MBOAT1: variants seen among roughly 807,000 people sequenced by gnomAD.
MBOAT1 encodes membrane-bound glycerophospholipid O-acyltransferase 1.
A neutral mutation model predicts 64.4 loss-of-function variants in MBOAT1; 67 were observed. The ratio of observed to expected loss-of-function variants is 1.04; its 90% confidence interval spans 0.85 to 1.27. The LOEUF is 1.27. Ranked by LOEUF, MBOAT1 falls within the 50% of genes most tolerant of loss-of-function variation. The probability of loss-of-function intolerance (pLI) is 0.00; values close to 1 mark genes in which losing one functional copy is unlikely to be tolerated. For missense variants in MBOAT1, 563 were observed against 604.6 expected (o/e 0.93, Z 0.72); for synonymous variants, 229 against 218.9 (o/e 1.05, Z -0.41).
At chr6:20,125,251 C>T (rs568563542) in intron 7 of MBOAT1, among the ~76,000 whole-genome samples, 10 of 152,272 alleles carry the variant, frequency 6.6e-5, no homozygotes, top group Admixed American at 2.6e-4. Context: ...CTCTAGTCTC[C>T]GACTTCATAA....
intron 1 of MBOAT1, among the ~76,000 whole-genome samples, chr6:20,183,887 C>A (rs920051338): frequency 2.0e-5 from 3 of 152,192 alleles, no homozygotes; most frequent in Non-Finnish European, 4.4e-5. Context: ...GCGAAAGGCA[C>A]TTCTTACATG....
At chr6:20,181,053 G>C (rs950379882) in intron 1 of MBOAT1, among the ~76,000 whole-genome samples, 2 of 152,220 alleles carry the variant, frequency 1.3e-5, no homozygotes, top group Non-Finnish European at 2.9e-5. Context: ...GCTAATAGCA[G>C]GTTAAAAATA....
chr6:20,125,793 T>G (rs2113650775), intron 7 of MBOAT1: 1 of 367,464 alleles, frequency 2.7e-6, no homozygotes, highest in South Asian at 2.1e-5. Context: ...TTTCAAATAC[T>G]TAACTCATAG....
At chr6:20,116,336 A>AAAAAAT (rs938740002) in intron 9 of MBOAT1, among the ~76,000 whole-genome samples, 15 of 152,228 alleles carry the variant, frequency 9.9e-5, no homozygotes, top group Non-Finnish European at 1.8e-4. Flanking sequence ...CATCTCAAAA[A>AAAAAAT]AAAAATAAAA....
At chr6:20,121,274 T>C (rs1202420589) in intron 8 of MBOAT1, among the ~76,000 whole-genome samples, 1 of 152,248 alleles carries the variant, frequency 6.6e-6, no homozygotes, top group African/African-American at 2.4e-5. Context: ...AAAACAATTA[T>C]TCAGTTAAGC....
intron 4 of MBOAT1, among the ~76,000 whole-genome samples, chr6:20,139,416 A>G (rs1761100786): frequency 6.6e-6 from 1 of 151,970 alleles, no homozygotes; most frequent in African/African-American, 2.4e-5. Context: ...ATGTGACCTC[A>G]TCTTATCTTA....
chr6:20,108,215 A>G (rs1033721707), intron 12 of MBOAT1, among the ~76,000 whole-genome samples: 6 of 152,354 alleles, frequency 3.9e-5, no homozygotes, highest in South Asian at 2.1e-4. Flanking sequence ...CTGTGCCACT[A>G]GCTGCATTTC....
intron 4 of MBOAT1, among the ~76,000 whole-genome samples, chr6:20,140,989 C>T (rs1761152002): frequency 6.6e-6 from 1 of 152,068 alleles, no homozygotes; most frequent in African/African-American, 2.4e-5. Flanking sequence ...AGCACCAACC[C>T]TTGAGAGCCA....
In MBOAT1 at chr6:20,177,286, C is replaced by G. The variant is rs11963036; in HGVS notation, c.100-24517G>C. On this transcript the variant is annotated intron_variant, in intron 1 of 12. Coordinates refer to ENST00000324607, the MANE Select transcript of MBOAT1 (RefSeq NM_001080480.3). Reference sequence around the variant, plus strand: ...ATCTCGGGGATGATAACAAATATATCTATTTCAAAACCCACCAAGGTCCGC... The same window carrying G: ...ATCTCGGGGATGATAACAAATATATGTATTTCAAAACCCACCAAGGTCCGC... Among the ~76,000 whole-genome samples the G allele has an allele frequency of 3.4e-3, 525 of 152,306 alleles. 3 individuals carry two copies. The highest frequency in any genetic ancestry group is 0.012 in the African/African-American group (494 of 41,570).
chr6:20,112,984 C>T lies in MBOAT1; in HGVS notation c.1101G>A (p.Trp367Ter), dbSNP rs779717995. 1 of 1,613,958 alleles carries T rather than the reference C, an allele frequency of 6.2e-7. No homozygotes were observed. Among genetic ancestry groups the T allele is most frequent in the Admixed American group, 1.7e-5 (1 of 60,004 alleles). The part of the protein sequence containing the change: ...LKCVCYQRVP[W>*]YPTVLTFILS... ...GGATGAAGGTTAGCACCGTGGGGTA[C>T]CATGGAACCCGCTGATAGCACACAC... Residue 367 changes from tryptophan to a stop codon, truncating the protein, a stop_gained, in exon 11 of 13, where the codon TGG (tryptophan) becomes TGA (stop). Coordinates refer to ENST00000324607, the MANE Select transcript of MBOAT1 (RefSeq NM_001080480.3). LOFTEE classifies it high-confidence loss of function.
At chr6:20,189,985 T>A (rs1254737661) in intron 1 of MBOAT1, among the ~76,000 whole-genome samples, 1 of 152,100 alleles carries the variant, frequency 6.6e-6, no homozygotes, top group Non-Finnish European at 1.5e-5. Context: ...TAAGTTTTTT[T>A]TTTTTAATTT....
chr6:20,104,725 G>C (rs1255329115), intron 12 of MBOAT1, among the ~76,000 whole-genome samples: 1 of 152,228 alleles, frequency 6.6e-6, no homozygotes, highest in Non-Finnish European at 1.5e-5. Context: ...AGGCACATTA[G>C]AATCAGATAA....
At chr6:20,188,693 C>T (rs1762722100) in intron 1 of MBOAT1, among the ~76,000 whole-genome samples, 1 of 152,178 alleles carries the variant, frequency 6.6e-6, no homozygotes, top group Non-Finnish European at 1.5e-5. Context: ...TCCTAATGCA[C>T]ATGCAGGCCC....
Position 20,148,899 on chromosome 6 carries a change from G to A in MBOAT1, c.323+2286C>T, listed in dbSNP as rs139019659. On this transcript the variant is annotated intron_variant, in intron 3 of 12. Transcript: ENST00000324607. ...AGGCAGATCACTAGGTCAAGAGATT[G>A]AGACCATCCTGGCCAACATAGTGAA... Among the ~76,000 whole-genome samples the A allele has an allele frequency of 2.1e-3, 313 of 151,848 alleles. 2 individuals carry two copies. The highest frequency in any genetic ancestry group is 7.2e-3 in the African/African-American group (298 of 41,404).
chr6:20,158,927 G>A (rs1761770346), intron 1 of MBOAT1, among the ~76,000 whole-genome samples: 1 of 152,126 alleles, frequency 6.6e-6, no homozygotes, highest in Non-Finnish European at 1.5e-5. Flanking sequence ...ACAAGTGCTT[G>A]GAGAGCTTGT....
chr6:20,199,031 G>A (rs2328393), intron 1 of MBOAT1, among the ~76,000 whole-genome samples: 74,612 of 152,086 alleles, frequency 0.49, 20,628 homozygotes, highest in Non-Finnish European at 0.61. Flanking sequence ...CCAAATGTTC[G>A]AATCCTCTTC....
At chr6:20,137,431 G>C (rs1400177654) in intron 4 of MBOAT1, among the ~76,000 whole-genome samples, 1 of 152,134 alleles carries the variant, frequency 6.6e-6, no homozygotes, top group African/African-American at 2.4e-5. Context: ...AAGGAACTAA[G>C]TACCAGCTGT....
chr6:20,211,295 G>A (rs1039717758), intron 1 of MBOAT1, among the ~76,000 whole-genome samples: 2 of 152,126 alleles, frequency 1.3e-5, no homozygotes, highest in Non-Finnish European at 2.9e-5. Flanking sequence ...CAAAACAGGA[G>A]CGCAGTGGGT....
intron 1 of MBOAT1, among the ~76,000 whole-genome samples, chr6:20,159,110 A>C (rs1457195184): frequency 2.0e-5 from 3 of 152,108 alleles, no homozygotes; most frequent in Non-Finnish European, 2.9e-5. Flanking sequence ...TTGAAGAAAC[A>C]TCTGCACTCC....
Sources: allele counts gnomAD v4.1 joint callset (sites outside exome capture counted in the v4.1 genomes callset), GRCh38; gene constraint gnomAD v4.1.1; transcripts MANE v1.5; gene names NCBI Gene and HGNC (gene_info 2026-07-23, HGNC 2026-07-21).